The following DST variants were observed in gnomAD, a reference collection of about 807,000 sequenced individuals.
DST encodes the protein bullous pemphigoid antigen.
In DST, 253 loss-of-function variants were observed where a neutral mutation model predicts 875.2. That is an observed-to-expected ratio of 0.29 (90% confidence interval 0.26 to 0.32). The LOEUF (loss-of-function observed/expected upper bound fraction) is 0.32, where lower values mean the gene tolerates loss of function less well. Ranked by LOEUF, DST falls within the 10% of genes least tolerant of loss-of-function variation. DST has a pLI of 1.00. For synonymous variants in DST, 3,124 were observed against 3,197.1 expected (o/e 0.98, Z 0.77); for missense variants, 8,287 against 9,111.6 (o/e 0.91, Z 3.68).
At chr6:56,942,510 C>T (rs1817132591) in intron 2 of DST, among the ~76,000 whole-genome samples, 1 of 151,904 alleles carries the variant, frequency 6.6e-6, no homozygotes, top group African/African-American at 2.4e-5. Context: ...TTAAAATATG[C>T]ATCCTTAACT....
At chr6:56,702,197 T>C (rs915836443) in intron 7 of DST, among the ~76,000 whole-genome samples, 1 of 152,126 alleles carries the variant, frequency 6.6e-6, no homozygotes, top group Non-Finnish European at 1.5e-5. Flanking sequence ...TTATGACAAA[T>C]TTTTTGTTTA....
At chr6:56,666,128 A>G (rs1275313798) in intron 10 of DST, among the ~76,000 whole-genome samples, 1 of 152,180 alleles carries the variant, frequency 6.6e-6, no homozygotes, top group African/African-American at 2.4e-5. Flanking sequence ...TATATTTTCT[A>G]CGGAAAATTT....
At chr6:56,497,229 A>G in intron 82 of DST, 150 bp downstream of exon 82, 1 of 706,844 alleles carries the variant, frequency 1.4e-6, no homozygotes, top group Non-Finnish European at 2.1e-6. Flanking sequence ...TTAATCAATA[A>G]ATGGTGTGTT....
chr6:56,827,725 G>A (rs1481173945), intron 4 of DST, among the ~76,000 whole-genome samples: 1 of 152,072 alleles, frequency 6.6e-6, no homozygotes, highest in Non-Finnish European at 1.5e-5. Context: ...AGCATAGAGG[G>A]AACTGAGGAC....
At chr6:56,743,416 A>T (rs1320022736) in intron 4 of DST, among the ~76,000 whole-genome samples, 1 of 152,206 alleles carries the variant, frequency 6.6e-6, no homozygotes, top group Non-Finnish European at 1.5e-5. Flanking sequence ...AATATACTGT[A>T]AATGAATAAA....
intron 2 of DST, among the ~76,000 whole-genome samples, chr6:56,921,676 G>T (rs889372130): frequency 2.0e-5 from 3 of 152,018 alleles, no homozygotes; most frequent in East Asian, 3.8e-4. Flanking sequence ...ATTAGAATAG[G>T]TGTATATGTA....
At chr6:56,585,482 T>C (rs1204747459) in intron 49 of DST, among the ~76,000 whole-genome samples, 1 of 152,118 alleles carries the variant, frequency 6.6e-6, no homozygotes, top group Admixed American at 6.5e-5. Flanking sequence ...GATTCTTCTC[T>C]CTTTTTTTCT....
chr6:56,517,478 C>T (rs1316402785), intron 70 of DST, 23 bp downstream of exon 70: 5 of 1,607,826 alleles, frequency 3.1e-6, no homozygotes, highest in Non-Finnish European at 4.2e-6. Context: ...ATTCATATGG[C>T]AATTGGAAAT....
At chr6:56,546,307 T>C (rs905579985) in intron 61 of DST, among the ~76,000 whole-genome samples, 1 of 145,300 alleles carries the variant, frequency 6.9e-6, no homozygotes, top group African/African-American at 2.5e-5. Context: ...AGAAGATGAT[T>C]CTATATATAA....
At chr6:56,811,962 C>T (rs1396422442) in intron 4 of DST, among the ~76,000 whole-genome samples, 1 of 151,248 alleles carries the variant, frequency 6.6e-6, no homozygotes, top group African/African-American at 2.4e-5. Context: ...ATTAGCCAGG[C>T]GTAGTGGAGC....
At chr6:56,539,672 G>A (rs1184973166) in intron 61 of DST, among the ~76,000 whole-genome samples, 1 of 152,128 alleles carries the variant, frequency 6.6e-6, no homozygotes, top group Non-Finnish European at 1.5e-5. Context: ...GGCTTGACAA[G>A]CAATCTCTAC....
At chr6:56,562,264 T>C (rs2097547054) in intron 55 of DST, 64 bp from the exon 56 acceptor site, 4 of 1,173,006 alleles carry the variant, frequency 3.4e-6, no homozygotes, top group African/African-American at 3.1e-5. Flanking sequence ...TAACAGTAGA[T>C]GGCATTAAAT....
At chr6:56,611,643 A>G (rs756189626) in intron 37 of DST, 47 bp from the exon 38 acceptor site, 4 of 1,289,702 alleles carry the variant, frequency 3.1e-6, no homozygotes, top group Non-Finnish European at 3.3e-6. Flanking sequence ...CAAAAGGAGT[A>G]AACAGTATTT....
chr6:56,850,082 G>T (rs1764302865), intron 4 of DST, among the ~76,000 whole-genome samples: 1 of 152,132 alleles, frequency 6.6e-6, no homozygotes, highest in African/African-American at 2.4e-5. Context: ...GGTCTGCCTT[G>T]ACTCTCCAAG....
At chr6:56,651,492 A>G (rs1157497781) in intron 10 of DST, among the ~76,000 whole-genome samples, 2 of 152,256 alleles carry the variant, frequency 1.3e-5, no homozygotes, top group African/African-American at 2.4e-5. Flanking sequence ...GTCTACAAAT[A>G]TATCATAGTC....
chr6:56,518,223 T>C (rs1375389544), intron 69 of DST, among the ~76,000 whole-genome samples: 1 of 152,210 alleles, frequency 6.6e-6, no homozygotes, highest in Non-Finnish European at 1.5e-5. Flanking sequence ...TTTTAATAAA[T>C]GTTATTTTCC....
intron 84 of DST, 25 bp downstream of exon 84, chr6:56,492,909 C>T: frequency 6.8e-7 from 1 of 1,472,742 alleles, no homozygotes; most frequent in Non-Finnish European, 9.0e-7. Context: ...AAAAGAGAAT[C>T]CTATCTATTT....
intron 62 of DST, 40 bp downstream of exon 62, chr6:56,536,739 A>G (rs1384868520): frequency 4.7e-6 from 7 of 1,477,216 alleles, no homozygotes; most frequent in East Asian, 2.4e-5. Context: ...CTCATGAATA[A>G]TAATCAGCAA....
chr6:56,494,026 T>C lies in DST; in HGVS notation c.20378A>G (p.Lys6793Arg). 6.3e-7 allele frequency: 1 copy of C among 1,594,992 alleles called. No individual in the cohort carries two copies. Among genetic ancestry groups the C allele is most frequent in the South Asian group, 1.1e-5 (1 of 87,936 alleles). The change falls in exon 83 of 104, where the codon AAA becomes AGA. Residue 6793 changes from lysine to arginine, a missense_variant. Physicochemically the swap from Lys to Arg is conservative, Grantham distance 26 (BLOSUM62 2). Transcript: ENST00000680361. Reference protein sequence around the residue: ...LKEKWESVETKLNERKTKLEE... With the variant: ...LKEKWESVETRLNERKTKLEE... The stretch of plus-strand genomic sequence containing the variant: ...AGCACATACTTTCCTTTCATTGAGT[T>C]TGGTTTCCACCGATTCCCATTTTTC...
Sources: gnomAD v4.1 joint callset for allele counts (sites outside exome capture counted in the v4.1 genomes callset) on GRCh38, gnomAD v4.1.1 for gene constraint, MANE v1.5 for transcripts, NCBI Gene and HGNC (gene_info 2026-07-23, HGNC 2026-07-21) for gene names.